The following EXOC6B variants were observed in gnomAD, a reference collection of about 807,000 sequenced individuals.
The protein encoded by EXOC6B is SEC15 homolog B.
Under a neutral mutation model 113.5 loss-of-function variants are expected in EXOC6B, and 54 were observed. The ratio of observed to expected loss-of-function variants is 0.48; its 90% CI spans 0.38 to 0.60. EXOC6B has a LOEUF of 0.60. EXOC6B is among the 20% of genes least tolerant of loss of function. The pLI is 0.00. For synonymous variants in EXOC6B, 357 were observed against 339.0 expected (o/e 1.05, Z -0.58); for missense variants, 797 against 977.5 (o/e 0.82, Z 2.46).
chr2:72,601,038 T>C (rs1231324230), intron 6 of EXOC6B, among the ~76,000 whole-genome samples: 1 of 152,048 alleles, frequency 6.6e-6, no homozygotes, highest in Non-Finnish European at 1.5e-5. Flanking sequence ...TTTAACGTCA[T>C]CTGTTATGAG....
At chr2:72,523,987 A>T (rs188898816) in intron 8 of EXOC6B, among the ~76,000 whole-genome samples, 11 of 151,834 alleles carry the variant, frequency 7.2e-5, no homozygotes, top group African/African-American at 2.7e-4. Context: ...GGGAAGGGAA[A>T]GGAAGAAGGG....
chr2:72,565,614 A>C (rs1172873601), intron 7 of EXOC6B, among the ~76,000 whole-genome samples: 1 of 152,150 alleles, frequency 6.6e-6, no homozygotes, highest in East Asian at 1.9e-4. Flanking sequence ...GAAAAAAACC[A>C]AAATCATTCA....
chr2:72,365,466 C>T (rs1010798753), intron 19 of EXOC6B, among the ~76,000 whole-genome samples: 3 of 152,018 alleles, frequency 2.0e-5, no homozygotes, highest in Non-Finnish European at 2.9e-5. Flanking sequence ...GGAGAGCAAG[C>T]GAGGCAAGCT....
rs1166635755 is a variant in EXOC6B at position 72,582,600 on chromosome 2, T to A, written c.670-6932A>T. The stretch of plus-strand genomic sequence containing the variant: ...CCCAGGCTGGAGTGAAATGGCACAA[T>A]CTTGGCTCATTGCAACCTCCACCTC... On this transcript the variant is annotated intron_variant, in intron 6 of 21. Coordinates refer to ENST00000272427, the MANE Select transcript of EXOC6B (RefSeq NM_015189.3). Among the ~76,000 whole-genome samples, 4 of 151,772 alleles carry A rather than the reference T, an allele frequency of 2.6e-5. No homozygotes were observed. The South Asian group carries it at 8.4e-4, about 32-fold the overall frequency.
intron 20 of EXOC6B, among the ~76,000 whole-genome samples, chr2:72,311,654 A>G (rs537534463): frequency 1.3e-5 from 2 of 152,292 alleles, no homozygotes; most frequent in East Asian, 3.9e-4. Flanking sequence ...ATAAGGTAAC[A>G]TAGTCACACA....
intron 20 of EXOC6B, among the ~76,000 whole-genome samples, chr2:72,285,036 T>C (rs1004012704): frequency 2.6e-5 from 4 of 152,110 alleles, no homozygotes; most frequent in African/African-American, 9.6e-5. Flanking sequence ...TGTCAAGATA[T>C]CAGTTCTTTC....
chr2:72,696,013 T>C (rs1483282293), intron 6 of EXOC6B, among the ~76,000 whole-genome samples: 2 of 152,146 alleles, frequency 1.3e-5, no homozygotes, highest in Admixed American at 1.3e-4. Flanking sequence ...TGTATATATA[T>C]ATAATTTTCA....
chr2:72,416,975 A>C (rs954539833), intron 18 of EXOC6B, among the ~76,000 whole-genome samples: 6 of 152,166 alleles, frequency 3.9e-5, no homozygotes, highest in Non-Finnish European at 5.9e-5. Context: ...TCAGGTGACA[A>C]TATAATCAAA....
At chr2:72,281,476 T>A (rs1385210519) in intron 20 of EXOC6B, among the ~76,000 whole-genome samples, 1 of 151,946 alleles carries the variant, frequency 6.6e-6, no homozygotes, top group African/African-American at 2.4e-5. Flanking sequence ...AAAAATAAAT[T>A]CTAGCTCTGA....
At chr2:72,617,418 G>A (rs1327680653) in intron 6 of EXOC6B, among the ~76,000 whole-genome samples, 1 of 152,068 alleles carries the variant, frequency 6.6e-6, no homozygotes, top group Non-Finnish European at 1.5e-5. Flanking sequence ...TTCTCCATGA[G>A]GGACCCACCC....
chr2:72,300,173 A>G (rs748048308), intron 20 of EXOC6B, among the ~76,000 whole-genome samples: 3 of 152,142 alleles, frequency 2.0e-5, no homozygotes, highest in Non-Finnish European at 4.4e-5. Flanking sequence ...GGTTTCATCT[A>G]TAAGTCTCTG....
At chr2:72,699,880 G>C (rs1327036360) in intron 6 of EXOC6B, among the ~76,000 whole-genome samples, 1 of 152,062 alleles carries the variant, frequency 6.6e-6, no homozygotes, top group Non-Finnish European at 1.5e-5. Context: ...TAAAAATATG[G>C]CTTTCTATAT....
intron 18 of EXOC6B, among the ~76,000 whole-genome samples, chr2:72,449,691 G>A: frequency 6.6e-6 from 1 of 152,042 alleles, no homozygotes. Flanking sequence ...TGTCTAATAT[G>A]CTTTTACAGT....
chr2:72,574,841 GT>G (rs1226023167), intron 7 of EXOC6B, among the ~76,000 whole-genome samples: 1 of 152,098 alleles, frequency 6.6e-6, no homozygotes. Flanking sequence ...GGTCATAATA[GT>G]TTTATTTTTA....
intron 14 of EXOC6B, among the ~76,000 whole-genome samples, chr2:72,496,139 T>C (rs867464896): frequency 6.6e-6 from 1 of 152,128 alleles, no homozygotes; most frequent in Non-Finnish European, 1.5e-5. Flanking sequence ...TAAATTTTAA[T>C]AAAAACAAGT....
At chr2:72,709,769 T>C (rs1197716967) in intron 6 of EXOC6B, among the ~76,000 whole-genome samples, 2 of 152,196 alleles carry the variant, frequency 1.3e-5, no homozygotes, top group African/African-American at 4.8e-5. Context: ...AATAAAAAGA[T>C]GCATTTAAGT....
intron 20 of EXOC6B, among the ~76,000 whole-genome samples, chr2:72,317,964 C>A: frequency 6.6e-6 from 1 of 152,144 alleles, no homozygotes; most frequent in East Asian, 1.9e-4. Context: ...TAGATGAACA[C>A]CACAATCCTT....
intron 18 of EXOC6B, among the ~76,000 whole-genome samples, chr2:72,457,348 T>C (rs764125016): frequency 1.3e-4 from 20 of 152,124 alleles, no homozygotes; most frequent in African/African-American, 3.6e-4. Flanking sequence ...GAAACTTTTA[T>C]GTAGGAAATA....
At chr2:72,734,901 C>A (rs1421652134) in intron 2 of EXOC6B, among the ~76,000 whole-genome samples, 3 of 152,138 alleles carry the variant, frequency 2.0e-5, no homozygotes, top group South Asian at 2.1e-4. Context: ...CATACCTGGA[C>A]CCTATATACT....
Sources: allele counts gnomAD v4.1 joint callset (sites outside exome capture counted in the v4.1 genomes callset), GRCh38; gene constraint gnomAD v4.1.1; transcripts MANE v1.5; gene names NCBI Gene and HGNC (gene_info 2026-07-23, HGNC 2026-07-21).